The following KALRN variants were observed in gnomAD, a reference collection of about 807,000 sequenced individuals.
KALRN encodes kalirin RhoGEF kinase.
Under a neutral mutation model 353.7 loss-of-function variants are expected in KALRN, and 70 were observed. The ratio of observed to expected loss-of-function variants is 0.20; its 90% CI spans 0.16 to 0.24. The LOEUF is 0.24. Ranked by LOEUF, KALRN falls within the 10% of genes least tolerant of loss-of-function variation. The probability of loss-of-function intolerance (pLI) is 1.00; values close to 1 mark genes in which losing one functional copy is unlikely to be tolerated. For synonymous variants in KALRN, 1,391 were observed against 1,434.8 expected (o/e 0.97, Z 0.69); for missense variants, 2,791 against 3,756.7 (o/e 0.74, Z 6.72).
chr3:124,352,614 A>T (rs1348984756), intron 10 of KALRN, among the ~76,000 whole-genome samples: 1 of 152,176 alleles, frequency 6.6e-6, no homozygotes, highest in African/African-American at 2.4e-5. Flanking sequence ...GGCACAATTA[A>T]GTACTTTATT....
intron 32 of KALRN, among the ~76,000 whole-genome samples, chr3:124,495,961 G>GTGTATATATA (rs2063694247): frequency 7.9e-5 from 3 of 37,892 alleles, no homozygotes; most frequent in South Asian, 1.0e-3. Flanking sequence ...GTATGTGTAT[G>GTGTATATATA]TATGTATATA....
chr3:124,045,758 G>T (rs112824584), intron 1 of KALRN, among the ~76,000 whole-genome samples: 92,733 of 150,298 alleles, frequency 0.62, 31,551 homozygotes, highest in Non-Finnish European at 0.77. Context: ...ATGGGGGGGG[G>T]GGGGTTGCCT....
At chr3:124,556,250 A>T (rs1265840909) in intron 33 of KALRN, among the ~76,000 whole-genome samples, 1 of 152,230 alleles carries the variant, frequency 6.6e-6, no homozygotes, top group Non-Finnish European at 1.5e-5. Flanking sequence ...AGTAGAAGCC[A>T]CAGTTCCAGC....
chr3:124,111,075 CT>C (rs1346264791), intron 1 of KALRN, among the ~76,000 whole-genome samples: 2 of 152,144 alleles, frequency 1.3e-5, no homozygotes, highest in Non-Finnish European at 2.9e-5. Context: ...CTTGTTAGCT[CT>C]TTAATGCTTT....
At chr3:124,197,396 T>G (rs2075551292) in intron 1 of KALRN, among the ~76,000 whole-genome samples, 2 of 152,226 alleles carry the variant, frequency 1.3e-5, no homozygotes, top group Non-Finnish European at 2.9e-5. Context: ...TGTGTGCTAC[T>G]TATAAACAAA....
rs1014367900 is a variant in KALRN at position 124,033,655 on chromosome 3, C to G, written c.-86C>G. Among the ~76,000 whole-genome samples the G allele has an allele frequency of 2.0e-5, 3 of 151,734 alleles. No individual in the cohort carries two copies. The highest frequency in any genetic ancestry group is 4.8e-5 in the African/African-American group (2 of 41,374). On this transcript the variant is annotated 5_prime_UTR_variant, in exon 1 of 60. Transcript: ENST00000682506. The surrounding 1 kb of genome is among the most constrained non-coding windows in gnomAD (Gnocchi z 6.2). ...CTCTGCGGCCGCAGCAGCTGCGCCC[C>G]GCGCCCTCCGCCCACCGGGCGCCGA...
At chr3:124,181,885 G>A (rs1197059587) in intron 1 of KALRN, among the ~76,000 whole-genome samples, 1 of 152,190 alleles carries the variant, frequency 6.6e-6, no homozygotes, top group African/African-American at 2.4e-5. Flanking sequence ...GTATTCCCAT[G>A]TGTTTTAGGT....
intron 26 of KALRN, 111 bp downstream of exon 26, chr3:124,474,843 G>A (rs2061291513): frequency 1.2e-6 from 1 of 848,220 alleles, no homozygotes. Flanking sequence ...AGGGGCTACT[G>A]AGAGGGACCA....
intron 10 of KALRN, among the ~76,000 whole-genome samples, chr3:124,368,471 G>A (rs1234010118): frequency 4.7e-5 from 7 of 149,578 alleles, no homozygotes; most frequent in South Asian, 2.1e-4. Flanking sequence ...ATGGGCGGCC[G>A]GGCAGAGACG....
intron 34 of KALRN, among the ~76,000 whole-genome samples, chr3:124,631,181 C>G (rs1322126309): frequency 1.6e-4 from 25 of 152,328 alleles, no homozygotes; most frequent in Admixed American, 1.5e-3. Context: ...CTCTCGTCTT[C>G]CTGCTTCTGG....
intron 54 of KALRN, 53 bp downstream of exon 54, chr3:124,696,308 A>G: frequency 6.4e-7 from 1 of 1,563,118 alleles, no homozygotes. Context: ...ATTTTTAGAC[A>G]GGTTCTTGCT....
At chr3:124,511,490 T>C (rs2065900959) in intron 33 of KALRN, among the ~76,000 whole-genome samples, 1 of 152,204 alleles carries the variant, frequency 6.6e-6, no homozygotes, top group Non-Finnish European at 1.5e-5. Context: ...AGGACTCTCA[T>C]GATAGCATAT....
At chr3:124,473,209 A>G (rs527320129) in intron 25 of KALRN, among the ~76,000 whole-genome samples, 1 of 152,236 alleles carries the variant, frequency 6.6e-6, no homozygotes, top group Admixed American at 6.5e-5. Flanking sequence ...GTAATTAATT[A>G]TACTGCCAAA....
intron 27 of KALRN, among the ~76,000 whole-genome samples, chr3:124,482,582 C>T (rs1176952203): frequency 4.6e-5 from 7 of 152,048 alleles, no homozygotes; most frequent in Non-Finnish European, 1.0e-4. Flanking sequence ...TGCTTCTTTC[C>T]CTAATCCTTC....
At chr3:124,224,883 C>T (rs546304139) in intron 1 of KALRN, among the ~76,000 whole-genome samples, 1 of 152,322 alleles carries the variant, frequency 6.6e-6, no homozygotes, top group Non-Finnish European at 1.5e-5. Flanking sequence ...TGGAGGGCAT[C>T]TACTCAGATT....
rs982027368 is a variant in KALRN, at chr3:124,100,435, T to C, written c.73+66622T>C. 6 of 152,150 alleles carry C rather than the reference T, an allele frequency of 3.9e-5. No homozygotes were observed. In the East Asian group the frequency reaches 9.6e-4, roughly 24 times the overall value. The allele number at this position is 152,150 out of a possible 1,614,324, so 9.4% of individuals were successfully genotyped here. On this transcript the variant is annotated intron_variant, in intron 1 of 59. Coordinates refer to ENST00000682506, the MANE Select transcript of KALRN (RefSeq NM_001388419.1). Reference sequence around the variant, plus strand: ...GGAAAAGGACATCCTTTTCAATAAGTGGTGCTGGGAAAATGGGATATCTAT... The same window carrying C: ...GGAAAAGGACATCCTTTTCAATAAGCGGTGCTGGGAAAATGGGATATCTAT...
At chr3:124,587,442 A>G (rs1006094706) in intron 34 of KALRN, among the ~76,000 whole-genome samples, 5 of 152,206 alleles carry the variant, frequency 3.3e-5, no homozygotes, top group African/African-American at 1.2e-4. Flanking sequence ...AAGTAAAAGA[A>G]CCAAGAGGAA....
At chr3:124,386,834 C>T (rs1485985894) in intron 11 of KALRN, among the ~76,000 whole-genome samples, 2 of 152,088 alleles carry the variant, frequency 1.3e-5, no homozygotes, top group Non-Finnish European at 2.9e-5. Context: ...TAAATGGACA[C>T]CTATTACTTG....
At chr3:124,152,303 T>A in intron 1 of KALRN, 1 of 1,210,698 alleles carries the variant, frequency 8.3e-7, no homozygotes, top group Non-Finnish European at 1.2e-6. Flanking sequence ...CTCAGCATAT[T>A]AATTGAAGTC....
Sources: gnomAD v4.1 joint callset for allele counts (sites outside exome capture counted in the v4.1 genomes callset) on GRCh38, gnomAD v4.1.1 for gene constraint, Gnocchi (gnomAD v3.1) non-coding constraint, MANE v1.5 for transcripts, NCBI Gene and HGNC (gene_info 2026-07-23, HGNC 2026-07-21) for gene names.